Variants in LAMA5 observed in about 807,000 individuals in gnomAD.
The protein encoded by LAMA5 is laminin subunit alpha-5.
LAMA5 carries 260 observed loss-of-function variants against 433.4 expected under a neutral mutation model. That is an observed-to-expected ratio of 0.60 (90% confidence interval 0.54 to 0.66). The LOEUF is 0.66. Among genes scored for constraint, LAMA5 ranks in the 30% least tolerant of loss-of-function variants. The pLI is 0.00. For synonymous variants in LAMA5, 2,620 were observed against 2,226.6 expected, an observed-to-expected ratio of 1.18 and a Z score of -4.97; for missense variants, 5,378 against 5,258.5, an observed-to-expected ratio of 1.02 and a Z score of -0.70.
intron 1 of LAMA5, among the ~76,000 whole-genome samples, chr20:62,364,136 G>A (rs1010126482): frequency 6.6e-6 from 1 of 152,214 alleles, no homozygotes; most frequent in African/African-American, 2.4e-5. Flanking sequence ...TAGAGCAACT[G>A]AAGACACCCA....
At chr20:62,317,255 CT>C in intron 55 of LAMA5, 89 bp downstream of exon 55, 1 of 1,379,602 alleles carries the variant, frequency 7.2e-7, no homozygotes, top group Non-Finnish European at 9.6e-7. Context: ...GCCTCAGCCC[CT>C]AGGAGCCTTC....
chr20:62,333,552 C>A lies in LAMA5; in HGVS notation c.3021+12G>T, dbSNP rs977593664. ...ACCCGGCCCCCAGCCCTCACTCTGG[C>A]CCCTGCCTCACCAGGAGCACCCCTT... On this transcript the variant is annotated intron_variant, in intron 24 of 79. Coordinates refer to ENST00000252999, the MANE Select transcript of LAMA5 (RefSeq NM_005560.6). The A allele has an allele frequency of 1.3e-6, 2 of 1,565,356 alleles. No individual in the cohort carries two copies. Among genetic ancestry groups the A allele is most frequent in the Non-Finnish European group, 1.7e-6 (2 of 1,155,360 alleles).
intron 79 of LAMA5, 64 bp from the exon 80 acceptor site, chr20:62,309,539 C>T (rs1028748684): frequency 2.1e-5 from 29 of 1,350,694 alleles, no homozygotes; most frequent in Admixed American, 1.8e-4. Flanking sequence ...ACAGGCCCTT[C>T]CCAAACGTCA....
chr20:62,321,508 T>G (rs56068409), intron 48 of LAMA5, among the ~76,000 whole-genome samples: 1 of 19,224 alleles, frequency 5.2e-5, no homozygotes, highest in African/African-American at 3.7e-4. Context: ...AGGGGTGGGG[T>G]CAGTGGAGGC....
intron 36 of LAMA5, 25 bp from the exon 37 acceptor site, chr20:62,327,694 T>C: frequency 1.2e-6 from 2 of 1,605,122 alleles, no homozygotes; most frequent in Non-Finnish European, 1.7e-6. Flanking sequence ...ACAGTGAGAG[T>C]GGTCGGCAGG....
intron 38 of LAMA5, 79 bp from the exon 39 acceptor site, chr20:62,327,045 C>A (rs1979423626): frequency 1.7e-6 from 2 of 1,192,354 alleles, no homozygotes; most frequent in Non-Finnish European, 1.2e-6. Flanking sequence ...GTCTGGGCAC[C>A]CCCAGCACAG....
Position 62,346,893 on chromosome 20 carries a change from G to T in LAMA5, c.1072+20C>A, listed in dbSNP as rs1983475684. On this transcript the variant is annotated intron_variant, in intron 7 of 79. Transcript: ENST00000252999. Reference sequence around the variant, plus strand: ...GCCAGGGTGTGGGCAGGACACACGTGTGTGGGAGGAGGCACTCACACTGGC... The same window carrying T: ...GCCAGGGTGTGGGCAGGACACACGTTTGTGGGAGGAGGCACTCACACTGGC... 6.2e-7 allele frequency: 1 copy of T among 1,610,212 alleles called. No individual in the cohort carries two copies. The highest frequency in any genetic ancestry group is 1.3e-5 in the African/African-American group (1 of 74,882).
Position 62,359,573 on chromosome 20 carries a change from C to A in LAMA5, c.450+2827G>T, listed in dbSNP as rs868012810. Among the ~76,000 whole-genome samples, 10 of 152,082 alleles carry A rather than the reference C, an allele frequency of 6.6e-5. No homozygotes were observed. The highest frequency in any genetic ancestry group is 2.0e-4 in the Admixed American group (3 of 15,276). On this transcript the variant is annotated intron_variant, in intron 2 of 79. Transcript: ENST00000252999. This position sits in a 1 kb window ranked among gnomAD's most constrained non-coding sequence, Gnocchi z 4.3. ...CAGTTCCAGAAGCTTCCGGAGGATG[C>A]AAGGAGATACGCAAGAACCCCCTAG...
At chr20:62,323,348 TG>T in intron 45 of LAMA5, 107 bp downstream of exon 45, 1 of 933,044 alleles carries the variant, frequency 1.1e-6, no homozygotes, top group Non-Finnish European at 1.6e-6. Flanking sequence ...TTGTCCTGGC[TG>T]GGCCCCAGCA....
At chr20:62,338,632 G>C in intron 11 of LAMA5, 24 bp from the exon 12 acceptor site, 1 of 1,597,730 alleles carries the variant, frequency 6.3e-7, no homozygotes, top group Non-Finnish European at 8.5e-7. Flanking sequence ...ACAGGCAGGG[G>C]AGTCTCAGAT....
chr20:62,315,497 TG>T (rs766158535), intron 58 of LAMA5, among the ~76,000 whole-genome samples: 4 of 152,052 alleles, frequency 2.6e-5, no homozygotes, highest in Non-Finnish European at 5.9e-5. Flanking sequence ...CTGGGCTTGC[TG>T]GGAACAGTCC....
chr20:62,328,051 C>G (rs371975949), intron 35 of LAMA5, 41 bp from the exon 36 acceptor site: 54 of 1,608,458 alleles, frequency 3.4e-5, no homozygotes, highest in Admixed American at 5.0e-5. Flanking sequence ...CACCCCAGGT[C>G]ACTCACACCA....
intron 2 of LAMA5, chr20:62,356,262 G>A (rs1985211226): frequency 6.6e-6 from 1 of 152,370 alleles, no homozygotes; most frequent in South Asian, 2.1e-4. Flanking sequence ...GGAAGCCCGC[G>A]CTGGAGGACT....
Position 62,325,351 on chromosome 20 carries a change from G to C in LAMA5, c.5494C>G (p.Leu1832Val), listed in dbSNP as rs1464587875. ...GALASNVELCLCPASYRGDSC... is the reference protein window; with the variant it reads ...GALASNVELCVCPASYRGDSC... ...TCCCCCCGGTAGCTGGCGGGGCACA[G>C]GCACAGCTCCACATTGCTGGCCAGG... Residue 1832 changes from leucine to valine, a missense_variant, in exon 41 of 80, where the codon CTG becomes GTG. By Grantham distance (32) the Leu-to-Val change is conservative. Coordinates refer to ENST00000252999, the MANE Select transcript of LAMA5 (RefSeq NM_005560.6). 2.5e-6 allele frequency: 4 copies of C among 1,601,940 alleles called. No homozygotes were observed. The highest frequency in any genetic ancestry group is 1.7e-5 in the Admixed American group (1 of 59,148).
chr20:62,361,140 C>T (rs1297577281), intron 2 of LAMA5, among the ~76,000 whole-genome samples: 1 of 152,164 alleles, frequency 6.6e-6, no homozygotes, highest in Non-Finnish European at 1.5e-5. Flanking sequence ...AGGTGGGGGC[C>T]TCTGCTGCTG....
Position 62,327,603 on chromosome 20 carries a change from G to A in LAMA5, c.4864C>T (p.Pro1622Ser). The stretch of plus-strand genomic sequence containing the variant: ...CAGAAGCAGCGGGTGCAACCTTTGG[G>A]GTTGGCAGCATCCAGTGAGAAGGTC... ...LGTFSLDAAN[P>S]KGCTRCFCFG... Residue 1622 changes from proline (P) to serine (S), a missense_variant, in exon 37 of 80, where the codon CCC becomes TCC. Pro to Ser is a moderately conservative substitution (Grantham distance 74). Coordinates refer to ENST00000252999, the MANE Select transcript of LAMA5 (RefSeq NM_005560.6). The A allele has an allele frequency of 6.2e-7, 1 of 1,613,092 alleles. No individual in the cohort carries two copies. The highest frequency in any genetic ancestry group is 8.5e-7 in the Non-Finnish European group (1 of 1,180,022).
At chr20:62,358,885 C>T (rs776192079) in intron 2 of LAMA5, among the ~76,000 whole-genome samples, 18 of 152,182 alleles carry the variant, frequency 1.2e-4, no homozygotes, top group South Asian at 2.1e-4. Context: ...CTCCCCTCTC[C>T]GGCCCTACCT....
intron 28 of LAMA5, among the ~76,000 whole-genome samples, chr20:62,331,675 G>A (rs542303804): frequency 1.3e-5 from 2 of 152,342 alleles, no homozygotes; most frequent in African/African-American, 4.8e-5. Flanking sequence ...GCCATGTGAG[G>A]TTGGTGTCTC....
intron 1 of LAMA5, among the ~76,000 whole-genome samples, chr20:62,364,360 C>G (rs1168184530): frequency 1.3e-5 from 2 of 152,194 alleles, no homozygotes; most frequent in East Asian, 1.9e-4. Flanking sequence ...CCCAGACACA[C>G]GAGCAGCAGA....
Sources: allele counts gnomAD v4.1 joint callset (sites outside exome capture counted in the v4.1 genomes callset), GRCh38; gene constraint gnomAD v4.1.1; non-coding constraint Gnocchi (gnomAD v3.1); transcripts MANE v1.5; gene names NCBI Gene and HGNC (gene_info 2026-07-23, HGNC 2026-07-21).